Variants in SCN1A observed in about 807,000 individuals in gnomAD.
SCN1A encodes sodium channel protein type 1 subunit alpha.
In SCN1A, 13 loss-of-function variants were observed where a neutral mutation model predicts 193.7. The observed-to-expected ratio is 0.07, with a 90% confidence interval of 0.04 to 0.11. The LOEUF is 0.11. Among genes scored for constraint, SCN1A ranks in the 10% least tolerant of loss-of-function variants. The probability of loss-of-function intolerance (pLI) is 1.00; values close to 1 mark genes in which losing one functional copy is unlikely to be tolerated. For synonymous variants in SCN1A, 781 were observed against 843.6 expected (o/e 0.93, Z 1.29); for missense variants, 1,432 against 2,451.1 (o/e 0.58, Z 8.78).
At position 165,994,420 on chromosome 2, in the gene SCN1A, T is replaced by C. The variant is rs1057521695; in HGVS notation, c.4582-4A>G. The C allele has an allele frequency of 1.2e-6, 2 of 1,612,474 alleles. No individual in the cohort carries two copies. The highest frequency in any genetic ancestry group is 1.7e-6 in the Non-Finnish European group (2 of 1,179,018). On this transcript the variant is annotated splice_region_variant and splice_polypyrimidine_tract_variant and intron_variant, in intron 27 of 28. Coordinates refer to ENST00000674923, the MANE Select transcript of SCN1A (RefSeq NM_001165963.4). ...AGACCATTCCTTGAAATTTGTTCTG[T>C]AGAGAAATAGAAATGCTTTTAACAA...
Position 166,042,329 on chromosome 2 carries a change from T to C in SCN1A, c.2139A>G (p.Ala713=), listed in dbSNP as rs1479333910. ...TTGTTAGAATGCTGGCTATACTCAT[T>C]GCTCGTTGCCTTTGGGAAGGATCTT... ...FLEDPSQRQR[A]MSIASILTNT... is the part of the protein sequence containing the mutation. The change falls in exon 15 of 29, where the codon GCA becomes GCG. Residue 713 remains alanine, a synonymous_variant. Transcript: ENST00000674923. The C allele has an allele frequency of 6.2e-7, 1 of 1,613,860 alleles. No individual in the cohort carries two copies. The highest frequency in any genetic ancestry group is 8.5e-7 in the Non-Finnish European group (1 of 1,179,904).
intron 24 of SCN1A, 36 bp downstream of exon 24, chr2:166,002,436 C>A: frequency 6.3e-7 from 1 of 1,578,660 alleles, no homozygotes. Flanking sequence ...TTATTCCAAA[C>A]AATAAAAATA....
chr2:166,070,514 C>A (rs751605245), intron 4 of SCN1A, among the ~76,000 whole-genome samples: 2 of 152,168 alleles, frequency 1.3e-5, no homozygotes, highest in African/African-American at 4.8e-5. Flanking sequence ...CAAGTTTAGA[C>A]GTGAGCCTAA....
intron 17 of SCN1A, among the ~76,000 whole-genome samples, chr2:166,038,514 A>G (rs1574187000): frequency 6.6e-6 from 1 of 151,778 alleles, no homozygotes; most frequent in Non-Finnish European, 1.5e-5. Context: ...TTAAATATAT[A>G]TATAGTAGAG....
At chr2:166,057,287 C>A (rs1207688907) in intron 5 of SCN1A, among the ~76,000 whole-genome samples, 1 of 151,900 alleles carries the variant, frequency 6.6e-6, no homozygotes, top group Non-Finnish European at 1.5e-5. Context: ...TTGGAACAGT[C>A]ACGGTACGTA....
chr2:166,137,021 T>C (rs1691888615), intron 1 of SCN1A, among the ~76,000 whole-genome samples: 1 of 152,194 alleles, frequency 6.6e-6, no homozygotes, highest in South Asian at 2.1e-4. Context: ...ATTCCACTTC[T>C]AACCTACATT....
intron 22 of SCN1A, 139 bp from the exon 23 acceptor site, chr2:166,009,980 A>C (rs1400284712): frequency 1.4e-6 from 1 of 730,464 alleles, no homozygotes; most frequent in Non-Finnish European, 2.2e-6. Flanking sequence ...AACCTTTAAA[A>C]AATTAAAGAA....
chr2:166,093,650 TTATAA>T (rs1436532198), intron 2 of SCN1A, among the ~76,000 whole-genome samples: 1 of 152,184 alleles, frequency 6.6e-6, no homozygotes, highest in Non-Finnish European at 1.5e-5. Context: ...GCCTGAATTC[TTATAA>T]TAAATAAACC....
chr2:166,098,068 A>C (rs930616792), intron 2 of SCN1A, among the ~76,000 whole-genome samples: 1 of 152,226 alleles, frequency 6.6e-6, no homozygotes, highest in Non-Finnish European at 1.5e-5. Flanking sequence ...ACAATGAAAA[A>C]AGAAAACTTT....
intron 14 of SCN1A, among the ~76,000 whole-genome samples, chr2:166,043,273 A>G (rs1001154184): frequency 2.6e-5 from 4 of 152,238 alleles, no homozygotes; most frequent in African/African-American, 4.8e-5. Context: ...AATCTAAACT[A>G]AAGCAGAGAT....
At chr2:166,017,987 A>T (rs1180692679) in intron 19 of SCN1A, among the ~76,000 whole-genome samples, 1 of 152,038 alleles carries the variant, frequency 6.6e-6, no homozygotes, top group Non-Finnish European at 1.5e-5. Flanking sequence ...ATTAATCTTC[A>T]TGTAAGTGCC....
intron 1 of SCN1A, among the ~76,000 whole-genome samples, chr2:166,134,077 T>G (rs767639307): frequency 3.3e-5 from 5 of 152,294 alleles, no homozygotes; most frequent in Admixed American, 1.3e-4. Context: ...TAAAATAACT[T>G]TGTAAACCTC....
At chr2:166,043,619 G>A (rs2105840984) in intron 14 of SCN1A, 50 bp downstream of exon 14, 3 of 1,556,272 alleles carry the variant, frequency 1.9e-6, no homozygotes, top group African/African-American at 1.4e-5. Flanking sequence ...ACACTGGCTG[G>A]TGCAGCAATA....
In SCN1A at chr2:166,002,413, CATT is replaced by C. The variant is rs1234496424; in HGVS notation, c.4284+56_4284+58del. 8.0e-5 allele frequency: 118 copies of C among 1,477,196 alleles called. No individual in the cohort carries two copies. In the African/African-American group the frequency reaches 1.4e-3, roughly 17 times the overall value. 91.5% of individuals were successfully genotyped at this position (1,477,196 alleles called of 1,614,324 possible). ...TAGGAACTAAATAATAGATGTATGT[CATT>C]ATTTTGTTATTATTCCAAACAATAA... On this transcript the variant is annotated intron_variant, in intron 24 of 28. Transcript: ENST00000674923.
intron 3 of SCN1A, among the ~76,000 whole-genome samples, chr2:166,076,023 A>G (rs1330918803): frequency 6.6e-6 from 1 of 151,854 alleles, no homozygotes. Context: ...TTCAATCTAT[A>G]GCATCTTTTA....
At chr2:166,073,269 G>A in intron 4 of SCN1A, 89 bp downstream of exon 4, 1 of 1,466,612 alleles carries the variant, frequency 6.8e-7, no homozygotes, top group East Asian at 2.3e-5. Flanking sequence ...TTAAGATTTT[G>A]TGCTAATTTG....
At chr2:166,066,383 C>G (rs549824846) in intron 4 of SCN1A, among the ~76,000 whole-genome samples, 28 of 152,246 alleles carry the variant, frequency 1.8e-4, no homozygotes, top group African/African-American at 6.3e-4. Flanking sequence ...TATGAGCAAA[C>G]TATTCCCCTC....
At chr2:166,065,808 G>C (rs1683780884) in intron 4 of SCN1A, among the ~76,000 whole-genome samples, 1 of 152,020 alleles carries the variant, frequency 6.6e-6, no homozygotes, top group East Asian at 1.9e-4. Flanking sequence ...CCAGTTTTAG[G>C]CATATAAGTC....
chr2:165,992,511 C>G lies in SCN1A; in HGVS notation c.4853-89G>C. On this transcript the variant is annotated intron_variant, in intron 28 of 28. Coordinates refer to ENST00000674923, the MANE Select transcript of SCN1A (RefSeq NM_001165963.4). This position sits in a 1 kb window ranked among gnomAD's most constrained non-coding sequence, Gnocchi z 6.5. ...TCTTCTAAAGCTCCAAGGTAAGGTT[C>G]AGAGTCCTGAACCCAGTTATATTAA... is the stretch of plus-strand genomic sequence containing the variant. The G allele has an allele frequency of 7.1e-7, 1 of 1,417,276 alleles. No homozygotes were observed. The highest frequency in any genetic ancestry group is 9.9e-7 in the Non-Finnish European group (1 of 1,008,470). 87.8% of individuals were successfully genotyped at this position (1,417,276 alleles called of 1,614,324 possible).
Sources: allele counts gnomAD v4.1 joint callset (sites outside exome capture counted in the v4.1 genomes callset), GRCh38; gene constraint gnomAD v4.1.1; non-coding constraint Gnocchi (gnomAD v3.1); transcripts MANE v1.5; gene names NCBI Gene and HGNC (gene_info 2026-07-23, HGNC 2026-07-21).